RNMT: variants seen among roughly 807,000 people sequenced by gnomAD.
RNMT encodes the protein mRNA cap guanine-N(7) methyltransferase.
In RNMT, 27 loss-of-function variants were observed where a neutral mutation model predicts 56.0. The ratio of observed to expected loss-of-function variants is 0.48; its 90% confidence interval spans 0.36 to 0.67. RNMT has a LOEUF of 0.67. RNMT is among the 30% of genes least tolerant of loss of function. RNMT has a pLI of 0.00. For missense variants in RNMT, 519 were observed against 552.1 expected (o/e 0.94, Z 0.60); for synonymous variants, 184 against 176.2 (o/e 1.04, Z -0.35).
chr18:13,750,367 C>T (rs2044420622), intron 9 of RNMT, among the ~76,000 whole-genome samples: 2 of 151,648 alleles, frequency 1.3e-5, no homozygotes, highest in Non-Finnish European at 2.9e-5. Flanking sequence ...CTTTTTATGA[C>T]ATCTTTAAGC....
chr18:13,738,060 A>G (rs533890004), intron 5 of RNMT, among the ~76,000 whole-genome samples: 4 of 152,268 alleles, frequency 2.6e-5, no homozygotes, highest in South Asian at 2.1e-4. Context: ...AAGTGGGACA[A>G]GCAGACGTCA....
chr18:13,763,209 G>C lies in RNMT; in HGVS notation c.*3230G>C. On this transcript the variant is annotated 3_prime_UTR_variant, in exon 12 of 12. Transcript: ENST00000383314. ...CACTTGACAAGTGTTTTCATTCCCC[G>C]CCCTCTGACAGAACAACATTCCTAA... The C allele has an allele frequency of 2.2e-6, 1 of 449,218 alleles. No individual in the cohort carries two copies. Among genetic ancestry groups the C allele is most frequent in the South Asian group, 1.6e-5 (1 of 63,488 alleles). 27.8% of individuals were successfully genotyped at this position (449,218 alleles called of 1,614,324 possible).
rs780376408 is a variant in RNMT at position 13,746,271 on chromosome 18, A to C, written c.1191A>C (p.Glu397Asp). The C allele has an allele frequency of 2.4e-5, 38 of 1,578,654 alleles. No homozygotes were observed. Among genetic ancestry groups the C allele is most frequent in the Non-Finnish European group, 3.1e-5 (36 of 1,155,302 alleles). The change falls in exon 9 of 12, where the codon GAA becomes GAC. Residue 397 changes from glutamate to aspartate, a missense_variant. Coordinates refer to ENST00000383314, the MANE Select transcript of RNMT (RefSeq NM_003799.3). ...TAGTCTACAAAAAAACATTTCTGGAATTCTACGAAGAAAAGATTAAGAACA... is the reference window on the plus strand; with the variant it reads ...TAGTCTACAAAAAAACATTTCTGGACTTCTACGAAGAAAAGATTAAGAACA... Reference protein sequence around the residue: ...MKLVYKKTFLEFYEEKIKNNE... With the variant: ...MKLVYKKTFLDFYEEKIKNNE...
In RNMT at chr18:13,761,631, A is replaced by T; in HGVS notation, c.*1652A>T. On this transcript the variant is annotated 3_prime_UTR_variant, in exon 12 of 12. Coordinates refer to ENST00000383314, the MANE Select transcript of RNMT (RefSeq NM_003799.3). ...CCAGTGGTAATACAAAGCAGGGAGAACAGAAAGGTAGAGTTACTAAGGCCT... is the reference window on the plus strand; with the variant it reads ...CCAGTGGTAATACAAAGCAGGGAGATCAGAAAGGTAGAGTTACTAAGGCCT... 2.0e-6 allele frequency: 2 copies of T among 1,002,586 alleles called. No individual in the cohort carries two copies. The highest frequency in any genetic ancestry group is 2.4e-6 in the Non-Finnish European group (2 of 840,124). 62.1% of individuals were successfully genotyped at this position (1,002,586 alleles called of 1,614,324 possible). A position where few individuals can be genotyped will look rare whatever the true frequency, so the allele number is the denominator to read the frequency against.
intron 9 of RNMT, among the ~76,000 whole-genome samples, chr18:13,747,826 G>A (rs529805677): frequency 7.1e-4 from 108 of 152,196 alleles, no homozygotes; most frequent in African/African-American, 2.6e-3. Flanking sequence ...TGTTTTGTTT[G>A]TCTTAAGGAA....
Position 13,731,675 on chromosome 18 carries a change from T to C in RNMT, c.158T>C (p.Val53Ala). The stretch of plus-strand genomic sequence containing the variant: ...GAAAAGACTTCTGTCTGTAGGCAAG[T>C]AGACATAGCAAGAAAGAGAAAAGAG... ...LSEKTSVCRQ[V>A]DIARKRKEFE... Residue 53 changes from valine to alanine, a missense_variant, in exon 3 of 12, where the codon GTA (valine) becomes GCA (alanine). Coordinates refer to ENST00000383314, the MANE Select transcript of RNMT (RefSeq NM_003799.3). 6.2e-7 allele frequency: 1 copy of C among 1,614,042 alleles called. No individual in the cohort carries two copies. The highest frequency in any genetic ancestry group is 8.5e-7 in the Non-Finnish European group (1 of 1,179,988).
In RNMT at chr18:13,746,277, C is replaced by T. The variant is rs115462439; in HGVS notation, c.1197C>T (p.Tyr399=). The change falls in exon 9 of 12, where the codon TAC becomes TAT. Residue 399 remains tyrosine (Y), a synonymous_variant. Coordinates refer to ENST00000383314, the MANE Select transcript of RNMT (RefSeq NM_003799.3). ...LVYKKTFLEF[Y]EEKIKNNENK... ...ACAAAAAAACATTTCTGGAATTCTA[C>T]GAAGAAAAGATTAAGAACAATGAAA... The T allele has an allele frequency of 6.5e-3, 10,154 of 1,574,236 alleles. 41 individuals carry two copies. Among genetic ancestry groups the T allele is most frequent in the Non-Finnish European group, 7.7e-3 (8,927 of 1,152,128 alleles).
chr18:13,759,590 TA>T (rs1411244228), intron 11 of RNMT, among the ~76,000 whole-genome samples: 1 of 151,942 alleles, frequency 6.6e-6, no homozygotes, highest in African/African-American at 2.4e-5. Flanking sequence ...TTGTTATACT[TA>T]TTTAAAATTT....
intron 1 of RNMT, among the ~76,000 whole-genome samples, chr18:13,728,650 T>A (rs894086557): frequency 6.6e-6 from 1 of 152,106 alleles, no homozygotes; most frequent in African/African-American, 2.4e-5. Flanking sequence ...ATCCATTTTT[T>A]AAAAATCTTT....
At chr18:13,746,540 C>T (rs1434317401) in intron 9 of RNMT, among the ~76,000 whole-genome samples, 1 of 152,236 alleles carries the variant, frequency 6.6e-6, no homozygotes, top group Non-Finnish European at 1.5e-5. Context: ...TTACCAAATT[C>T]TGTTTTCTAG....
chr18:13,732,034 A>G (rs2044079216), intron 3 of RNMT, 100 bp downstream of exon 3: 1 of 966,822 alleles, frequency 1.0e-6, no homozygotes, highest in African/African-American at 1.6e-5. Context: ...TAGCTTAAGA[A>G]TGTTCTATTT....
chr18:13,732,733 G>T (rs1270770980), intron 3 of RNMT, among the ~76,000 whole-genome samples: 1 of 93,148 alleles, frequency 1.1e-5, no homozygotes, highest in African/African-American at 4.0e-5. Context: ...TAACAGAGGG[G>T]AGCCCCCCCT....
At chr18:13,729,400 A>G (rs2044029974) in intron 1 of RNMT, among the ~76,000 whole-genome samples, 2 of 152,246 alleles carry the variant, frequency 1.3e-5, no homozygotes, top group Admixed American at 1.3e-4. Context: ...AAATCTCAAT[A>G]TTAATTTTAG....
At chr18:13,739,402 G>T (rs751615282) in intron 5 of RNMT, among the ~76,000 whole-genome samples, 1 of 152,186 alleles carries the variant, frequency 6.6e-6, no homozygotes, top group Non-Finnish European at 1.5e-5. Context: ...AATACATGAA[G>T]TACTGCCAGT....
chr18:13,743,427 A>G (rs905419675), intron 8 of RNMT, among the ~76,000 whole-genome samples: 23 of 152,082 alleles, frequency 1.5e-4, no homozygotes, highest in Admixed American at 3.3e-4. Context: ...GCATTTCACT[A>G]TAACTTTGAA....
At position 13,752,317 on chromosome 18, in the gene RNMT, T is replaced by C. The variant is rs202243640; in HGVS notation, c.1258-9T>C. 2.7e-5 allele frequency: 42 copies of C among 1,579,722 alleles called. No individual in the cohort carries two copies. Among genetic ancestry groups the C allele is most frequent in the Non-Finnish European group, 3.6e-5 (41 of 1,150,768 alleles). On this transcript the variant is annotated splice_polypyrimidine_tract_variant and intron_variant, in intron 9 of 11. Coordinates refer to ENST00000383314, the MANE Select transcript of RNMT (RefSeq NM_003799.3). ...TTATTGTAACTAGGACTTTCATTTC[T>C]TTCCCCAGCCATATCCTGCAAATGA...
rs1568517907 is a variant in RNMT at position 13,760,672 on chromosome 18, G to C, written c.*693G>C. 4 of 985,306 alleles carry C rather than the reference G, an allele frequency of 4.1e-6. No individual in the cohort carries two copies. The highest frequency in any genetic ancestry group is 4.8e-6 in the Non-Finnish European group (4 of 829,822). The allele number at this position is 985,306 out of a possible 1,614,324, so 61.0% of individuals were successfully genotyped here. ...AGTAATTAATGTTTCCAGTTATCAAGATTGTGATTAGACACATTTACCTTT... is the reference window on the plus strand; with the variant it reads ...AGTAATTAATGTTTCCAGTTATCAACATTGTGATTAGACACATTTACCTTT... On this transcript the variant is annotated 3_prime_UTR_variant, in exon 12 of 12. Transcript: ENST00000383314.
chr18:13,743,282 C>T (rs1602017096), intron 8 of RNMT, among the ~76,000 whole-genome samples: 1 of 145,744 alleles, frequency 6.9e-6, no homozygotes, highest in East Asian at 2.0e-4. Context: ...GAGATCGCGC[C>T]ACTGCGCTCC....
At chr18:13,740,499 TCCTGAGTAGCTGGGA>T (rs2044235093) in intron 6 of RNMT, among the ~76,000 whole-genome samples, 1 of 152,148 alleles carries the variant, frequency 6.6e-6, no homozygotes, top group Non-Finnish European at 1.5e-5. Flanking sequence ...CCTCCCAGCC[TCCTGAGTAGCTGGGA>T]CTACAGGCAC....
Sources: gnomAD v4.1 joint callset for allele counts (sites outside exome capture counted in the v4.1 genomes callset) on GRCh38, gnomAD v4.1.1 for gene constraint, MANE v1.5 for transcripts, NCBI Gene and HGNC (gene_info 2026-07-23, HGNC 2026-07-21) for gene names.